The following CYP7B1 variants were observed in gnomAD, a reference collection of about 807,000 sequenced individuals.
The protein encoded by CYP7B1 is cytochrome P450 7B1.
CYP7B1 carries 29 observed loss-of-function variants against 42.7 expected under a neutral mutation model. That is an observed-to-expected ratio of 0.68 (90% CI 0.51 to 0.93). The LOEUF (loss-of-function observed/expected upper bound fraction) is 0.93. CYP7B1 is among the 40% of genes least tolerant of loss of function. CYP7B1 has a pLI of 0.00. For synonymous variants in CYP7B1, 235 were observed against 218.2 expected (o/e 1.08, Z -0.68); for missense variants, 655 against 600.5 (o/e 1.09, Z -0.95).
intron 1 of CYP7B1, chr8:64,732,718 G>A (rs894560677): frequency 1.1e-4 from 16 of 152,162 alleles, no homozygotes; most frequent in African/African-American, 3.6e-4. Flanking sequence ...TAATCCCAAC[G>A]AGTTGTGGAA....
At chr8:64,613,769 G>A (rs1346772322) in intron 4 of CYP7B1, among the ~76,000 whole-genome samples, 1 of 152,080 alleles carries the variant, frequency 6.6e-6, no homozygotes, top group Non-Finnish European at 1.5e-5. Context: ...CTTCCAAATT[G>A]ACTGCTAGTA....
chr8:64,626,438 T>C (rs1303410634), intron 1 of CYP7B1, among the ~76,000 whole-genome samples: 3 of 152,170 alleles, frequency 2.0e-5, no homozygotes, highest in African/African-American at 7.2e-5. Flanking sequence ...GAAATAATAA[T>C]CTTAAATTGA....
At chr8:64,770,945 A>C (rs1316354665) in intron 1 of CYP7B1, among the ~76,000 whole-genome samples, 1 of 149,314 alleles carries the variant, frequency 6.7e-6, no homozygotes, top group Non-Finnish European at 1.5e-5. Flanking sequence ...AACTTAGTTG[A>C]CATGGTTTAG....
At chr8:64,731,158 T>C (rs920696390) in intron 1 of CYP7B1, among the ~76,000 whole-genome samples, 6 of 152,136 alleles carry the variant, frequency 3.9e-5, no homozygotes, top group Admixed American at 2.0e-4. Context: ...GAATGGAGTA[T>C]AGTAAACTGG....
chr8:64,779,824 C>T (rs573978950), intron 1 of CYP7B1, among the ~76,000 whole-genome samples: 9 of 152,118 alleles, frequency 5.9e-5, no homozygotes, highest in East Asian at 1.9e-4. Context: ...CAAAAACAGG[C>T]GCAGCCCTTT....
At chr8:64,748,649 T>C (rs896112662) in intron 1 of CYP7B1, among the ~76,000 whole-genome samples, 6 of 152,160 alleles carry the variant, frequency 3.9e-5, no homozygotes, top group African/African-American at 1.4e-4. Context: ...GAAATGTTAG[T>C]ATTCTTCAGG....
At chr8:64,682,899 A>G (rs1349508821) in intron 1 of CYP7B1, among the ~76,000 whole-genome samples, 1 of 152,216 alleles carries the variant, frequency 6.6e-6, no homozygotes, top group Non-Finnish European at 1.5e-5. Context: ...TTTTCTATCA[A>G]GAATGCTTCT....
At chr8:64,609,748 T>A (rs914187626) in intron 4 of CYP7B1, among the ~76,000 whole-genome samples, 6 of 152,150 alleles carry the variant, frequency 3.9e-5, no homozygotes, top group African/African-American at 1.4e-4. Flanking sequence ...TTGTTTTAAA[T>A]TTTCTGATAT....
chr8:64,666,460 T>C lies in CYP7B1; in HGVS notation c.123-41921A>G, dbSNP rs991679274. On this transcript the variant is annotated intron_variant, in intron 1 of 5. Coordinates refer to ENST00000310193, the MANE Select transcript of CYP7B1 (RefSeq NM_004820.5). ...AAAGAGAGTAATAAGAACAAACAAA[T>C]TGGTAGGAGAGTTTAGAGAGAATTG... Among the ~76,000 whole-genome samples, 10 of 152,026 alleles carry C rather than the reference T, an allele frequency of 6.6e-5. No individual in the cohort carries two copies. The South Asian group carries it at 1.0e-3, about 16-fold the overall frequency.
intron 1 of CYP7B1, among the ~76,000 whole-genome samples, chr8:64,693,308 C>CGT (rs1166806922): frequency 1.3e-5 from 2 of 152,066 alleles, no homozygotes; most frequent in Non-Finnish European, 2.9e-5. Context: ...TGTGTGCGTC[C>CGT]GTGTGTGTGT....
chr8:64,685,168 G>A (rs569948816), intron 1 of CYP7B1, among the ~76,000 whole-genome samples: 3 of 151,950 alleles, frequency 2.0e-5, no homozygotes, highest in South Asian at 2.1e-4. Context: ...GCCGGCGAGC[G>A]CCGCCCGGGA....
At chr8:64,636,324 G>A (rs571880016) in intron 1 of CYP7B1, among the ~76,000 whole-genome samples, 10 of 152,032 alleles carry the variant, frequency 6.6e-5, no homozygotes, top group Non-Finnish European at 1.0e-4. Context: ...ATTTGCCTCC[G>A]GTTCCTCATT....
intron 1 of CYP7B1, among the ~76,000 whole-genome samples, chr8:64,638,141 A>G (rs1172031851): frequency 1.3e-5 from 2 of 150,448 alleles, no homozygotes; most frequent in African/African-American, 4.9e-5. Context: ...TTTTTTTTTC[A>G]TGTTCCTTGA....
intron 1 of CYP7B1, among the ~76,000 whole-genome samples, chr8:64,748,717 C>G (rs957554695): frequency 6.6e-6 from 1 of 152,174 alleles, no homozygotes; most frequent in Non-Finnish European, 1.5e-5. Context: ...TCCATTCATA[C>G]AACAAAACCC....
At chr8:64,587,547 C>A (rs1431171516), downstream of CYP7B1, among the ~76,000 whole-genome samples, 1 of 152,230 alleles carries the variant, frequency 6.6e-6, no homozygotes, top group Non-Finnish European at 1.5e-5. Context: ...TCCGCGAAAG[C>A]GCCCCGGTTT....
chr8:64,740,759 G>A (rs539563386), intron 1 of CYP7B1, among the ~76,000 whole-genome samples: 53 of 152,034 alleles, frequency 3.5e-4, no homozygotes, highest in African/African-American at 1.1e-3. Context: ...TAGTTGAAAC[G>A]GGCCAATTCC....
intron 1 of CYP7B1, among the ~76,000 whole-genome samples, chr8:64,715,295 C>A (rs1241149987): frequency 1.3e-5 from 2 of 152,134 alleles, no homozygotes; most frequent in African/African-American, 4.8e-5. Context: ...AATAACTAAT[C>A]TTTTGGGCGA....
intron 1 of CYP7B1, among the ~76,000 whole-genome samples, chr8:64,748,568 C>G (rs1367703455): frequency 1.3e-5 from 2 of 152,204 alleles, no homozygotes; most frequent in Non-Finnish European, 2.9e-5. Flanking sequence ...GCCTGCCTCC[C>G]ACACTCTCCC....
Position 64,596,815 on chromosome 8 carries a change from G to C in CYP7B1, c.1348C>G (p.Pro450Ala). The change falls in exon 6 of 6, where the codon CCA becomes GCA. Residue 450 changes from proline to alanine, a missense_variant. Pro to Ala is a conservative substitution (Grantham distance 27). Coordinates refer to ENST00000310193, the MANE Select transcript of CYP7B1 (RefSeq NM_004820.5). ...TCCATAAGTGCAAAAAATCGGCCTG[G>C]ACATTTGCTGGTTCCAGTTCCAAAC... is the stretch of plus-strand genomic sequence containing the variant. ...MPFGTGTSKC[P>A]GRFFALMEIK... The C allele has an allele frequency of 1.2e-6, 2 of 1,614,042 alleles. No individual in the cohort carries two copies. The highest frequency in any genetic ancestry group is 1.7e-6 in the Non-Finnish European group (2 of 1,179,978).
Sources: allele counts gnomAD v4.1 joint callset (sites outside exome capture counted in the v4.1 genomes callset), GRCh38; gene constraint gnomAD v4.1.1; transcripts MANE v1.5; gene names NCBI Gene and HGNC (gene_info 2026-07-23, HGNC 2026-07-21).